Variants in CTNNA2 observed in about 807,000 individuals in gnomAD.
CTNNA2 encodes the protein catenin alpha-2.
In CTNNA2, 42 loss-of-function variants were observed where a neutral mutation model predicts 101.0. That is an observed-to-expected ratio of 0.42 (90% CI 0.32 to 0.54). The LOEUF (loss-of-function observed/expected upper bound fraction) is 0.54. Ranked by LOEUF, CTNNA2 falls within the 20% of genes least tolerant of loss-of-function variation. The pLI is 0.14. For missense variants in CTNNA2, 871 were observed against 1,223.1 expected (o/e 0.71, Z 4.29); for synonymous variants, 450 against 456.4 (o/e 0.99, Z 0.18).
intron 3 of CTNNA2, among the ~76,000 whole-genome samples, chr2:79,775,576 A>G (rs1417702177): frequency 6.6e-6 from 1 of 152,218 alleles, no homozygotes; most frequent in Non-Finnish European, 1.5e-5. Flanking sequence ...TCACCAAGGT[A>G]TTAAGCCCAG....
chr2:79,226,982 A>T (rs1162092483), intron 2 of CTNNA2, among the ~76,000 whole-genome samples: 1 of 10,594 alleles, frequency 9.4e-5, no homozygotes, highest in Non-Finnish European at 1.6e-4. Context: ...CTCTGGGACA[A>T]ATTTCCTCCA....
chr2:80,574,358 T>G (rs1044426681), intron 13 of CTNNA2, 44 bp downstream of exon 13: 1 of 1,513,600 alleles, frequency 6.6e-7, no homozygotes, highest in South Asian at 1.3e-5. Flanking sequence ...GATCTCCTAG[T>G]AGGAAACTAA....
chr2:80,633,745 A>G (rs1478825724), intron 18 of CTNNA2, among the ~76,000 whole-genome samples: 1 of 152,178 alleles, frequency 6.6e-6, no homozygotes, highest in Admixed American at 6.6e-5. Flanking sequence ...CATGTTATGA[A>G]GATTAATTTA....
At chr2:79,678,605 G>T (rs941121686) in intron 2 of CTNNA2, among the ~76,000 whole-genome samples, 1 of 151,908 alleles carries the variant, frequency 6.6e-6, no homozygotes, top group Non-Finnish European at 1.5e-5. Context: ...CCAGTGGTAG[G>T]CTGTGTCCCT....
Position 80,384,280 on chromosome 2 carries a change from G to A in CTNNA2, c.1057-8931G>A, listed in dbSNP as rs143519947. Reference sequence around the variant, plus strand: ...GGTGAACTTATGTCACAAAATATCTGCACTGTTTGGCACACTACCTGCATG... The same window carrying A: ...GGTGAACTTATGTCACAAAATATCTACACTGTTTGGCACACTACCTGCATG... On this transcript the variant is annotated intron_variant, in intron 7 of 18. Coordinates refer to ENST00000402739, the MANE Select transcript of CTNNA2 (RefSeq NM_001282597.3). 7.9e-4 allele frequency among the ~76,000 whole-genome samples: 120 copies of A among 152,124 alleles called. 1 individual carries two copies. The highest frequency in any genetic ancestry group is 2.1e-3 in the African/African-American group (89 of 41,514).
chr2:79,662,823 A>G (rs1013374352), intron 2 of CTNNA2, among the ~76,000 whole-genome samples: 12 of 151,876 alleles, frequency 7.9e-5, no homozygotes, highest in Non-Finnish European at 1.8e-4. Flanking sequence ...TGAAAACAAA[A>G]CTCTAAGTCT....
At chr2:79,915,544 G>A (rs933558530) in intron 7 of CTNNA2, among the ~76,000 whole-genome samples, 1 of 152,078 alleles carries the variant, frequency 6.6e-6, no homozygotes, top group Non-Finnish European at 1.5e-5. Flanking sequence ...GAAGAGCCTT[G>A]GAAAAGATAA....
chr2:79,764,744 G>A (rs530056632), intron 3 of CTNNA2, among the ~76,000 whole-genome samples: 70 of 151,536 alleles, frequency 4.6e-4, no homozygotes, highest in African/African-American at 1.6e-3. Flanking sequence ...CTGAAAAATA[G>A]GATCTTAAAA....
intron 7 of CTNNA2, among the ~76,000 whole-genome samples, chr2:80,313,901 A>G (rs146491259): frequency 8.3e-4 from 126 of 152,310 alleles, no homozygotes; most frequent in Non-Finnish European, 1.6e-3. Flanking sequence ...CAGGTGCAAT[A>G]ATAGCTCTGC....
At chr2:80,608,372 G>A (rs1248798725) in intron 17 of CTNNA2, 54 bp downstream of exon 17, 2 of 1,569,608 alleles carry the variant, frequency 1.3e-6, no homozygotes, top group South Asian at 1.1e-5. Context: ...CACTTCCAAG[G>A]CAAACATTCT....
At chr2:80,023,094 G>C (rs1166261227) in intron 7 of CTNNA2, among the ~76,000 whole-genome samples, 2 of 152,218 alleles carry the variant, frequency 1.3e-5, no homozygotes, top group Non-Finnish European at 2.9e-5. Flanking sequence ...TTGGGCAGAT[G>C]TCATCCAAAA....
intron 2 of CTNNA2, 55 bp from the exon 3 acceptor site, chr2:79,744,332 G>A: frequency 6.8e-7 from 1 of 1,478,974 alleles, no homozygotes; most frequent in African/African-American, 1.4e-5. Context: ...GAGATAACAT[G>A]ACATTTCTAG....
At chr2:79,565,521 A>G (rs1675056561) in intron 1 of CTNNA2, among the ~76,000 whole-genome samples, 1 of 152,164 alleles carries the variant, frequency 6.6e-6, no homozygotes, top group African/African-American at 2.4e-5. Context: ...TTGATGCAGT[A>G]AGAGATGATG....
chr2:79,872,344 G>A (rs891261195), intron 5 of CTNNA2, among the ~76,000 whole-genome samples: 1 of 151,288 alleles, frequency 6.6e-6, no homozygotes, highest in Admixed American at 6.6e-5. Context: ...TTCACAACCC[G>A]CATTTCTCAC....
chr2:80,157,449 G>A (rs531806644), intron 7 of CTNNA2, among the ~76,000 whole-genome samples: 22 of 152,180 alleles, frequency 1.4e-4, no homozygotes, highest in Non-Finnish European at 2.4e-4. Context: ...ATGAGTGCAC[G>A]ACAACTGGAA....
chr2:79,480,913 A>AT (rs1326298719), intron 4 of CTNNA2, among the ~76,000 whole-genome samples: 2 of 151,362 alleles, frequency 1.3e-5, no homozygotes, highest in East Asian at 3.9e-4. Flanking sequence ...CTTTCAGCTG[A>AT]TTTTTTTCAA....
intron 7 of CTNNA2, among the ~76,000 whole-genome samples, chr2:80,214,377 T>C (rs1173557338): frequency 6.6e-6 from 1 of 152,160 alleles, no homozygotes; most frequent in African/African-American, 2.4e-5. Context: ...TGTTTAGTGC[T>C]TCCTTCAGGA....
chr2:80,147,317 G>A (rs1202323786), intron 7 of CTNNA2, among the ~76,000 whole-genome samples: 1 of 152,052 alleles, frequency 6.6e-6, no homozygotes, highest in Non-Finnish European at 1.5e-5. Flanking sequence ...AGCCAGGCTG[G>A]TTTTGAACTC....
intron 8 of CTNNA2, among the ~76,000 whole-genome samples, chr2:80,396,119 A>C (rs1253121187): frequency 6.6e-6 from 1 of 152,216 alleles, no homozygotes; most frequent in Non-Finnish European, 1.5e-5. Flanking sequence ...AATCAAGATT[A>C]ATTGAATATA....
Sources: allele counts gnomAD v4.1 joint callset (sites outside exome capture counted in the v4.1 genomes callset), GRCh38; gene constraint gnomAD v4.1.1; transcripts MANE v1.5; gene names NCBI Gene and HGNC (gene_info 2026-07-23, HGNC 2026-07-21).